ETS1: variants seen among roughly 807,000 people sequenced by gnomAD.
The protein encoded by ETS1 is ETS proto-oncogene 1, transcription factor, also known as protein C-ets-1.
ETS1 carries 15 observed loss-of-function variants against 58.6 expected under a neutral mutation model. That is an observed-to-expected ratio of 0.26 (90% CI 0.17 to 0.39). The LOEUF is 0.39. Among genes scored for constraint, ETS1 ranks in the 10% least tolerant of loss-of-function variants. The probability of loss-of-function intolerance (pLI) is 1.00; values close to 1 mark genes in which losing one functional copy is unlikely to be tolerated. For synonymous variants in ETS1, 214 were observed against 218.2 expected, an observed-to-expected ratio of 0.98 and a Z score of 0.17; for missense variants, 417 against 610.5, an observed-to-expected ratio of 0.68 and a Z score of 3.34.
chr11:128,535,988 T>C (rs1863967555), intron 3 of ETS1, among the ~76,000 whole-genome samples: 3 of 152,244 alleles, frequency 2.0e-5, no homozygotes, highest in Admixed American at 2.0e-4. Context: ...TAAAGTGGAA[T>C]GCTCACTTTA....
chr11:128,462,662 A>G, intron 9 of ETS1, 86 bp from the exon 10 acceptor site: 1 of 968,604 alleles, frequency 1.0e-6, no homozygotes, highest in Non-Finnish European at 1.6e-6. Context: ...CCTATGCTAT[A>G]CCCATTCATG....
intron 2 of ETS1, among the ~76,000 whole-genome samples, chr11:128,564,871 C>A (rs1864464422): frequency 7.1e-6 from 1 of 140,586 alleles, no homozygotes; most frequent in Non-Finnish European, 1.6e-5. Context: ...AGAAGACTAT[C>A]CAGTAATTTC....
At chr11:128,521,946 C>A (rs200525200) in intron 3 of ETS1, 1 of 1,607,694 alleles carries the variant, frequency 6.2e-7, no homozygotes, top group African/African-American at 1.3e-5. Context: ...TCGACTTTTT[C>A]CGTCTTGATG....
intron 3 of ETS1, among the ~76,000 whole-genome samples, chr11:128,531,754 C>T (rs1863901269): frequency 6.6e-6 from 1 of 152,182 alleles, no homozygotes; most frequent in African/African-American, 2.4e-5. Flanking sequence ...CTGGATTGCA[C>T]GTTTGATAGC....
Position 128,502,915 on chromosome 11 carries a change from C to T in ETS1, c.215-12339G>A, listed in dbSNP as rs561093530. ...TGCATGCCTTCATTGTGAGTTTCCA[C>T]CGACAGCCCTTAGCATTAATGCGCA... On this transcript the variant is annotated intron_variant, in intron 3 of 9. Coordinates refer to ENST00000392668, the MANE Select transcript of ETS1 (RefSeq NM_001143820.2). Among the ~76,000 whole-genome samples, 3 of 152,326 alleles carry T rather than the reference C, an allele frequency of 2.0e-5. No homozygotes were observed. In the East Asian group the frequency reaches 5.8e-4, roughly 29 times the overall value.
intron 5 of ETS1, 23 bp from the exon 6 acceptor site, chr11:128,486,169 G>A (rs1591607441): frequency 6.9e-7 from 1 of 1,448,114 alleles, no homozygotes; most frequent in Non-Finnish European, 9.7e-7. Context: ...GATAGGGAAG[G>A]AACAAAGAGG....
chr11:128,484,589 A>G (rs534269933), intron 7 of ETS1, among the ~76,000 whole-genome samples: 9 of 152,322 alleles, frequency 5.9e-5, no homozygotes, highest in African/African-American at 2.2e-4. Context: ...AATTTCTTAG[A>G]TTGCCTGATT....
rs569906785 is a variant in ETS1, at chr11:128,556,546, T to C, written c.70-111A>G. The C allele has an allele frequency of 2.0e-5, 14 of 706,984 alleles. No individual in the cohort carries two copies. In the African/African-American group the frequency reaches 2.3e-4, roughly 12 times the overall value. 43.8% of individuals were successfully genotyped at this position (706,984 alleles called of 1,614,324 possible). A position where few individuals can be genotyped will look rare whatever the true frequency, so the allele number is the denominator to read the frequency against. ...ATCACATGTAAGTAAGAATCATCTATAGATGATGACAGAACAGAGCCAACT... is the reference window on the plus strand; with the variant it reads ...ATCACATGTAAGTAAGAATCATCTACAGATGATGACAGAACAGAGCCAACT... On this transcript the variant is annotated intron_variant, in intron 2 of 9. Coordinates refer to ENST00000392668, the MANE Select transcript of ETS1 (RefSeq NM_001143820.2).
chr11:128,465,007 T>C (rs1257772448), intron 8 of ETS1, among the ~76,000 whole-genome samples: 1 of 152,128 alleles, frequency 6.6e-6, no homozygotes, highest in Non-Finnish European at 1.5e-5. Flanking sequence ...GTTAGCGAAA[T>C]GGTGGTTCTG....
chr11:128,490,639 A>C (rs948785208), intron 3 of ETS1, 63 bp from the exon 4 acceptor site: 7 of 1,348,644 alleles, frequency 5.2e-6, no homozygotes, highest in Non-Finnish European at 7.4e-6. Flanking sequence ...ATCATAAAAC[A>C]TTACAAATGG....
intron 1 of ETS1, 73 bp from the exon 2 acceptor site, chr11:128,573,217 A>C (rs1254454952): frequency 1.8e-6 from 2 of 1,086,900 alleles, no homozygotes. Context: ...CAAGGAAGAC[A>C]CGAACCTTAG....
rs777614047 is a variant in ETS1, at chr11:128,490,515, T to C, written c.276A>G (p.Ala92=). ...TPSSKEMMSQ[A]LKATFSGFTK... is the part of the protein sequence containing the mutation. ...TGAAACCACTGAAAGTAGCTTTTAA[T>C]GCTTGAGACATCATTTCTTTGCTGC... The change falls in exon 4 of 10, where the codon GCA becomes GCG. Residue 92 remains alanine (A), a synonymous_variant. Transcript: ENST00000392668. 34 of 1,612,144 alleles carry C rather than the reference T, an allele frequency of 2.1e-5. No individual in the cohort carries two copies. Among genetic ancestry groups the C allele is most frequent in the Non-Finnish European group, 2.5e-5 (30 of 1,178,422 alleles).
Position 128,575,765 on chromosome 11 carries a change from G to A in ETS1, c.-14-2621C>T, listed in dbSNP as rs187143319. 8.7e-4 allele frequency among the ~76,000 whole-genome samples: 132 copies of A among 152,360 alleles called. 1 individual carries two copies. Among genetic ancestry groups the A allele is most frequent in the African/African-American group, 3.0e-3 (125 of 41,586 alleles). ...ATAGGAAATTGTGAAAGATTGCATA[G>A]AGCAAGGTGTAACCACATGGCCCTA... On this transcript the variant is annotated intron_variant, in intron 1 of 9. Coordinates refer to ENST00000392668, the MANE Select transcript of ETS1 (RefSeq NM_001143820.2).
chr11:128,476,709 G>A (rs1168199053), intron 8 of ETS1, among the ~76,000 whole-genome samples: 1 of 152,194 alleles, frequency 6.6e-6, no homozygotes, highest in Non-Finnish European at 1.5e-5. Flanking sequence ...GAAAGCATTG[G>A]GCTACTTCTC....
intron 1 of ETS1, among the ~76,000 whole-genome samples, chr11:128,576,993 C>T (rs1864765123): frequency 6.6e-6 from 1 of 152,204 alleles, no homozygotes; most frequent in African/African-American, 2.4e-5. Flanking sequence ...GTGCTTATCA[C>T]ATTGTTTTAT....
intron 1 of ETS1, among the ~76,000 whole-genome samples, chr11:128,575,219 T>C (rs1591674519): frequency 6.6e-6 from 1 of 152,210 alleles, no homozygotes; most frequent in South Asian, 2.1e-4. Context: ...ACTTATACAT[T>C]AGACGCAGTA....
At chr11:128,468,562 A>G (rs1315039902) in intron 8 of ETS1, among the ~76,000 whole-genome samples, 2 of 151,946 alleles carry the variant, frequency 1.3e-5, no homozygotes, top group East Asian at 3.9e-4. Flanking sequence ...CTCCTTCCTC[A>G]TTTCCATTTC....
intron 3 of ETS1, among the ~76,000 whole-genome samples, chr11:128,514,753 T>C (rs1863478714): frequency 6.6e-6 from 1 of 152,184 alleles, no homozygotes; most frequent in African/African-American, 2.4e-5. Context: ...ATTTAAAGTA[T>C]TCAGAAATGA....
At chr11:128,500,226 G>C (rs1453417733) in intron 3 of ETS1, among the ~76,000 whole-genome samples, 1 of 152,100 alleles carries the variant, frequency 6.6e-6, no homozygotes, top group African/African-American at 2.4e-5. Flanking sequence ...AAGAAAGCAG[G>C]AAGCAGAGAA....
Sources: gnomAD v4.1 joint callset for allele counts (sites outside exome capture counted in the v4.1 genomes callset) on GRCh38, gnomAD v4.1.1 for gene constraint, MANE v1.5 for transcripts, NCBI Gene and HGNC (gene_info 2026-07-23, HGNC 2026-07-21) for gene names.